The following SLC6A18 variants were observed in gnomAD, a reference collection of about 807,000 sequenced individuals.
SLC6A18 encodes solute carrier family 6 member 18, also known as inactive sodium-dependent neutral amino acid transporter B(0)AT3.
In SLC6A18, 58 loss-of-function variants were observed where a neutral mutation model predicts 62.9. That is an observed-to-expected ratio of 0.92 (90% CI 0.75 to 1.15). The LOEUF (loss-of-function observed/expected upper bound fraction) is 1.15. Ranked by LOEUF, SLC6A18 falls within the 50% of genes most tolerant of loss-of-function variation. The probability of loss-of-function intolerance (pLI) is 0.00; values close to 1 mark genes in which losing one functional copy is unlikely to be tolerated. For synonymous variants in SLC6A18, 382 were observed against 365.8 expected, an observed-to-expected ratio of 1.04 and a Z score of -0.51; for missense variants, 793 against 836.6, an observed-to-expected ratio of 0.95 and a Z score of 0.64.
rs1442407530 is a variant in SLC6A18 at position 1,242,779 on chromosome 5, C to T, written c.1047C>T (p.Val349=). 2.4e-5 allele frequency: 39 copies of T among 1,613,934 alleles called. No homozygotes were observed. Among genetic ancestry groups the T allele is most frequent in the Non-Finnish European group, 3.1e-5 (36 of 1,179,934 alleles). ...QSISRDDYPA[V]LMHLNATWPK... The stretch of plus-strand genomic sequence containing the variant: ...TCTCCAGGGACGACTACCCAGCCGT[C>T]CTCATGCACCTGAACGCCACCTGGC... Residue 349 remains valine (V), a synonymous_variant, in exon 8 of 12, where the codon GTC becomes GTT. Transcript: ENST00000324642.
intron 4 of SLC6A18, 68 bp downstream of exon 4, chr5:1,235,730 C>A: frequency 6.6e-7 from 1 of 1,522,796 alleles, no homozygotes; most frequent in Non-Finnish European, 9.0e-7. Flanking sequence ...CCCCATTGAC[C>A]TGTGTTCGCT....
At chr5:1,225,778 G>C in intron 1 of SLC6A18, 141 bp downstream of exon 1, 5 of 1,026,604 alleles carry the variant, frequency 4.9e-6, no homozygotes, top group Non-Finnish European at 6.8e-6. Flanking sequence ...CATTGCCCAC[G>C]GCAGAGTCAG....
Position 1,243,912 on chromosome 5 carries a change from G to A in SLC6A18, c.1336+153G>A, listed in dbSNP as rs1026499420. Among the ~76,000 whole-genome samples, 2 of 152,168 alleles carry A rather than the reference G, an allele frequency of 1.3e-5. No individual in the cohort carries two copies. Among genetic ancestry groups the A allele is most frequent in the African/African-American group, 2.4e-5 (1 of 41,434 alleles). On this transcript the variant is annotated intron_variant, in intron 9 of 11. Coordinates refer to ENST00000324642, the MANE Select transcript of SLC6A18 (RefSeq NM_182632.3). The surrounding 1 kb of genome is among the most constrained non-coding windows in gnomAD (Gnocchi z 6.5). ...TGAGCCAGGCTACTCCTTGCTGACA[G>A]CCATCAACGGAGAGCCGAGGGTCGA...
At chr5:1,235,059 G>A (rs919850995) in intron 3 of SLC6A18, among the ~76,000 whole-genome samples, 14 of 152,280 alleles carry the variant, frequency 9.2e-5, no homozygotes, top group Non-Finnish European at 1.5e-4. Flanking sequence ...CAATCTGCCC[G>A]CCTGGCCACA....
intron 4 of SLC6A18, among the ~76,000 whole-genome samples, chr5:1,237,243 A>G: frequency 7.1e-6 from 1 of 140,496 alleles, no homozygotes; most frequent in East Asian, 2.0e-4. Flanking sequence ...TCTGTCTCAA[A>G]AAAAAAAAAA....
Position 1,232,813 on chromosome 5 carries a change from G to C in SLC6A18, c.364G>C (p.Val122Leu). The stretch of plus-strand genomic sequence containing the variant: ...GTACTACAACACCATCGTGGCGTGG[G>C]TGCTGTGGTACCTCCTCAACTCCTT... ...SLYYNTIVAW[V>L]LWYLLNSFQH... Residue 122 changes from valine to leucine, a missense_variant, in exon 3 of 12, where the codon GTG becomes CTG. By Grantham distance (32) the Val-to-Leu change is conservative. Coordinates refer to ENST00000324642, the MANE Select transcript of SLC6A18 (RefSeq NM_182632.3). The C allele has an allele frequency of 1.2e-6, 2 of 1,613,492 alleles. No individual in the cohort carries two copies. The highest frequency in any genetic ancestry group is 1.7e-6 in the Non-Finnish European group (2 of 1,180,006).
At chr5:1,227,010 CCCG>C (rs1298121356) in intron 1 of SLC6A18, among the ~76,000 whole-genome samples, 1 of 146,874 alleles carries the variant, frequency 6.8e-6, no homozygotes, top group East Asian at 2.0e-4. Context: ...CGATGCCTTG[CCCG>C]CCGACGCGCC....
chr5:1,233,935 G>A (rs1300964037), intron 3 of SLC6A18, among the ~76,000 whole-genome samples: 1 of 152,060 alleles, frequency 6.6e-6, no homozygotes, highest in Non-Finnish European at 1.5e-5. Context: ...TAGAGACGGG[G>A]TTTCACCATG....
intron 7 of SLC6A18, 72 bp downstream of exon 7, chr5:1,240,731 C>G: frequency 6.3e-7 from 1 of 1,595,134 alleles, no homozygotes; most frequent in Non-Finnish European, 8.5e-7. Flanking sequence ...CCGAGAATCC[C>G]AAGGCATGAG....
At chr5:1,236,129 C>A (rs1746878131) in intron 4 of SLC6A18, among the ~76,000 whole-genome samples, 2 of 131,448 alleles carry the variant, frequency 1.5e-5, no homozygotes, top group African/African-American at 5.3e-5. Context: ...TGTGCCCCAT[C>A]TGTTTTTTTT....
intron 10 of SLC6A18, 100 bp from the exon 11 acceptor site, chr5:1,244,508 A>G (rs1005200262): frequency 5.8e-6 from 9 of 1,544,954 alleles, no homozygotes; most frequent in Non-Finnish European, 7.9e-6. Flanking sequence ...CCGAGGCACC[A>G]GAGGGTGCAG....
intron 11 of SLC6A18, 126 bp from the exon 12 acceptor site, chr5:1,245,720 CGT>C: frequency 7.8e-6 from 8 of 1,028,446 alleles, no homozygotes; most frequent in Non-Finnish European, 1.1e-5. Flanking sequence ...CTGCTCTGGC[CGT>C]GCCTTTTCCA....
intron 1 of SLC6A18, 92 bp from the exon 2 acceptor site, chr5:1,232,127 C>A (rs1486437330): frequency 6.7e-6 from 8 of 1,199,076 alleles, no homozygotes; most frequent in African/African-American, 1.5e-5. Context: ...CCCGTCTGCC[C>A]CTTGAAGACC....
intron 5 of SLC6A18, 116 bp from the exon 6 acceptor site, chr5:1,239,334 G>T: frequency 2.7e-6 from 2 of 736,284 alleles, no homozygotes; most frequent in Non-Finnish European, 2.4e-6. Context: ...GTCTGTACAG[G>T]TCACACTTGC....
At chr5:1,240,090 G>A (rs556530847) in intron 6 of SLC6A18, among the ~76,000 whole-genome samples, 2 of 152,330 alleles carry the variant, frequency 1.3e-5, no homozygotes, top group South Asian at 2.1e-4. Flanking sequence ...GCCCGCTGGC[G>A]GCCTTTAGGG....
At chr5:1,234,166 G>A (rs1046056847) in intron 3 of SLC6A18, among the ~76,000 whole-genome samples, 1 of 152,214 alleles carries the variant, frequency 6.6e-6, no homozygotes, top group Non-Finnish European at 1.5e-5. Flanking sequence ...TGACAGGTGT[G>A]AGCCACTGCA....
chr5:1,234,075 G>A (rs1746822015), intron 3 of SLC6A18, among the ~76,000 whole-genome samples: 1 of 152,082 alleles, frequency 6.6e-6, no homozygotes, highest in Non-Finnish European at 1.5e-5. Context: ...GTAGAGACGG[G>A]GTCTCAATAT....
chr5:1,226,795 C>T (rs1249120459), intron 1 of SLC6A18, among the ~76,000 whole-genome samples: 1 of 152,186 alleles, frequency 6.6e-6, no homozygotes, highest in Non-Finnish European at 1.5e-5. Context: ...GCCCTCGCTG[C>T]CTGTGCTGCG....
rs369077510 is a variant in SLC6A18 at position 1,244,564 on chromosome 5, C to A, written c.1497-44C>A. ...CGATCCTCGGCTTGGAGTGGGTGGA[C>A]CTTCCACAGACCATGTGAAGCCTGA... On this transcript the variant is annotated intron_variant, in intron 10 of 11. Coordinates refer to ENST00000324642, the MANE Select transcript of SLC6A18 (RefSeq NM_182632.3). 2.6e-6 allele frequency: 4 copies of A among 1,562,770 alleles called. No individual in the cohort carries two copies. The African/African-American group carries it at 4.1e-5, about 16-fold the overall frequency.
Sources: gnomAD v4.1 joint callset for allele counts (sites outside exome capture counted in the v4.1 genomes callset) on GRCh38, gnomAD v4.1.1 for gene constraint, Gnocchi (gnomAD v3.1) non-coding constraint, MANE v1.5 for transcripts, NCBI Gene and HGNC (gene_info 2026-07-23, HGNC 2026-07-21) for gene names.